The following GPN1 variants were observed in gnomAD, a reference collection of about 807,000 sequenced individuals.
GPN1 encodes the protein GPN-loop GTPase 1, also known as ATP(GTP)-binding protein.
Under a neutral mutation model 55.9 loss-of-function variants are expected in GPN1, and 44 were observed. The ratio of observed to expected loss-of-function variants is 0.79; its 90% CI spans 0.62 to 1.01. The LOEUF is 1.01. GPN1 is among the 50% of genes least tolerant of loss of function. The pLI is 0.00. For synonymous variants in GPN1, 179 were observed against 162.5 expected (o/e 1.10, Z -0.77); for missense variants, 466 against 462.8 (o/e 1.01, Z -0.06).
In GPN1 at chr2:27,629,298, A is replaced by G. The variant is rs1359443377; in HGVS notation, c.111+129A>G. On this transcript the variant is annotated intron_variant, in intron 1 of 13. Coordinates refer to ENST00000610189, the MANE Select transcript of GPN1 (RefSeq NM_007266.4). ...GCATGGCTTTCGGGGGCTTCCCATC[A>G]ACTTTAGTTCCTTCCCCGGCAAAGC... is the stretch of plus-strand genomic sequence containing the variant. The G allele has an allele frequency of 4.1e-6, 6 of 1,461,044 alleles. No homozygotes were observed. In the East Asian group the frequency reaches 1.2e-4, roughly 30 times the overall value. 90.5% of individuals were successfully genotyped at this position (1,461,044 alleles called of 1,614,324 possible). A position where few individuals can be genotyped will look rare whatever the true frequency, so the allele number is the denominator to read the frequency against.
At chr2:27,636,784 A>G (rs1673751262) in intron 7 of GPN1, among the ~76,000 whole-genome samples, 1 of 152,132 alleles carries the variant, frequency 6.6e-6, no homozygotes, top group African/African-American at 2.4e-5. Context: ...CCATTTTCAT[A>G]TTAATTGTTT....
intron 12 of GPN1, among the ~76,000 whole-genome samples, chr2:27,645,333 AT>A (rs1674172491): frequency 6.6e-6 from 1 of 151,908 alleles, no homozygotes; most frequent in South Asian, 2.1e-4. Flanking sequence ...TGCCTGTACC[AT>A]GTTGTTTTAA....
Position 27,634,916 on chromosome 2 carries a change from G to T in GPN1, c.421G>T (p.Glu141Ter). The part of the protein sequence containing the change: ...TWSASGTIIT[E>*]ALASSFPTVV... ...GTCAGCTTCTGGGACAATTATCACT[G>T]AAGCCCTTGTGAGTATTCTAGGACT... Residue 141 changes from glutamate to a stop codon, truncating the protein, a stop_gained, in exon 6 of 14, where the codon GAA (glutamate) becomes TAA (stop). Coordinates refer to ENST00000610189, the MANE Select transcript of GPN1 (RefSeq NM_007266.4). LOFTEE classifies it high-confidence loss of function. 6.3e-7 allele frequency: 1 copy of T among 1,586,400 alleles called. No individual in the cohort carries two copies. The highest frequency in any genetic ancestry group is 8.7e-7 in the Non-Finnish European group (1 of 1,154,652).
rs185465562 is a variant in GPN1, at chr2:27,640,502, A to G, written c.800+377A>G. Reference sequence around the variant, plus strand: ...AATTAATGGGCGTGGCTAGTGTTACAGAAAAACATTTATGAAAACAGGCAG... The same window carrying G: ...AATTAATGGGCGTGGCTAGTGTTACGGAAAAACATTTATGAAAACAGGCAG... On this transcript the variant is annotated intron_variant, in intron 10 of 13. Transcript: ENST00000610189. Among the ~76,000 whole-genome samples, 225 of 152,376 alleles carry G rather than the reference A, an allele frequency of 1.5e-3. 2 individuals are homozygous for G. Among genetic ancestry groups the G allele is most frequent in the East Asian group, 2.7e-3 (14 of 5,188 alleles).
intron 12 of GPN1, among the ~76,000 whole-genome samples, chr2:27,646,123 C>T (rs192312436): frequency 2.0e-3 from 303 of 152,298 alleles, no homozygotes; most frequent in African/African-American, 7.1e-3. Context: ...CTCACTGCAA[C>T]CTCCGCCTCC....
chr2:27,637,384 T>A (rs1428452062), intron 7 of GPN1, among the ~76,000 whole-genome samples: 1 of 152,098 alleles, frequency 6.6e-6, no homozygotes, highest in Non-Finnish European at 1.5e-5. Flanking sequence ...GAAGAAAAGG[T>A]GCATATGAGT....
intron 7 of GPN1, among the ~76,000 whole-genome samples, chr2:27,637,069 A>T (rs953201430): frequency 1.3e-5 from 2 of 152,100 alleles, no homozygotes; most frequent in African/African-American, 4.8e-5. Flanking sequence ...CAGCCGGGGC[A>T]CCATGGTGAA....
chr2:27,633,704 T>C (rs1324400354), intron 5 of GPN1, among the ~76,000 whole-genome samples: 1 of 151,862 alleles, frequency 6.6e-6, no homozygotes, highest in Non-Finnish European at 1.5e-5. Context: ...CTCAAACTCC[T>C]AACCTCAAGT....
intron 13 of GPN1, 55 bp downstream of exon 13, chr2:27,647,998 T>A (rs779177170): frequency 4.3e-5 from 42 of 978,242 alleles, no homozygotes; most frequent in Non-Finnish European, 6.9e-5. Context: ...ATCCTCACAT[T>A]GTTTGCCCAG....
In GPN1 at chr2:27,639,898, T is replaced by C. The variant is rs1349671906; in HGVS notation, c.718-145T>C. The C allele has an allele frequency of 1.5e-5, 10 of 687,812 alleles. No homozygotes were observed. In the East Asian group the frequency reaches 2.5e-4, roughly 17 times the overall value. The allele number at this position is 687,812 out of a possible 1,614,324, so 42.6% of individuals were successfully genotyped here. A position where few individuals can be genotyped will look rare whatever the true frequency, so the allele number is the denominator to read the frequency against. Reference sequence around the variant, plus strand: ...CTTTTGACTGGGTGTGCTGTTTTGTTCTTTTTTAGCCTGGCTTTTTGCCAA... The same window carrying C: ...CTTTTGACTGGGTGTGCTGTTTTGTCCTTTTTTAGCCTGGCTTTTTGCCAA... On this transcript the variant is annotated intron_variant, in intron 9 of 13. Transcript: ENST00000610189.
At chr2:27,645,564 G>A (rs1043031556) in intron 12 of GPN1, among the ~76,000 whole-genome samples, 2 of 152,058 alleles carry the variant, frequency 1.3e-5, no homozygotes, top group Non-Finnish European at 2.9e-5. Flanking sequence ...ACCACAGAGT[G>A]TCTTTGTATT....
chr2:27,644,730 T>TC (rs1192377762), intron 12 of GPN1, among the ~76,000 whole-genome samples: 1 of 148,308 alleles, frequency 6.7e-6, no homozygotes, highest in East Asian at 1.9e-4. Context: ...AGTGTTTTTT[T>TC]TTTTTTTTTT....
At chr2:27,635,474 G>A (rs1673701388) in intron 7 of GPN1, among the ~76,000 whole-genome samples, 1 of 152,116 alleles carries the variant, frequency 6.6e-6, no homozygotes, top group Admixed American at 6.6e-5. Context: ...TTACAAAAAG[G>A]TGATGTATGA....
At position 27,638,244 on chromosome 2, in the gene GPN1, G is replaced by T; in HGVS notation, c.559G>T (p.Val187Phe). ...LYKTKLPFIV[V>F]MNKTDIIDHS... The stretch of plus-strand genomic sequence containing the variant: ...CAAAACCAAGCTGCCTTTCATTGTG[G>T]TCATGAATAAAGTAAGTGTATTCTT... The change falls in exon 8 of 14, where the codon GTC becomes TTC. Residue 187 changes from valine to phenylalanine, a missense_variant. Physicochemically the swap from Val to Phe is conservative, Grantham distance 50. Transcript: ENST00000610189. 6.4e-7 allele frequency: 1 copy of T among 1,559,126 alleles called. No individual in the cohort carries two copies. Among genetic ancestry groups the T allele is most frequent in the South Asian group, 1.1e-5 (1 of 89,898 alleles).
chr2:27,637,448 T>C (rs78101155), intron 7 of GPN1, among the ~76,000 whole-genome samples: 1 of 152,280 alleles, frequency 6.6e-6, no homozygotes, highest in East Asian at 1.9e-4. Context: ...TATCAAAATA[T>C]CCCTTTGTAC....
intron 13 of GPN1, among the ~76,000 whole-genome samples, chr2:27,649,558 C>T (rs990740775): frequency 2.6e-5 from 4 of 152,180 alleles, no homozygotes; most frequent in African/African-American, 9.7e-5. Flanking sequence ...CACCTAGTGC[C>T]TGGCAACCAC....
chr2:27,629,294 C>T (rs576298961), intron 1 of GPN1, 125 bp downstream of exon 1: 2 of 1,457,024 alleles, frequency 1.4e-6, no homozygotes, highest in African/African-American at 1.4e-5. Flanking sequence ...GGGGGCTTCC[C>T]ATCAACTTTA....
At chr2:27,629,783 A>G in intron 1 of GPN1, 76 bp from the exon 2 acceptor site, 1 of 814,068 alleles carries the variant, frequency 1.2e-6, no homozygotes, top group Non-Finnish European at 2.2e-6. Flanking sequence ...TTCTTAAGGC[A>G]TGGGTGTTAA....
At chr2:27,642,176 G>A (rs1023696346) in intron 11 of GPN1, 3 of 381,998 alleles carry the variant, frequency 7.9e-6, no homozygotes, top group East Asian at 4.7e-5. Context: ...AGAATTGAGG[G>A]TTCTTTTGAA....
Sources: allele counts gnomAD v4.1 joint callset (sites outside exome capture counted in the v4.1 genomes callset), GRCh38; gene constraint gnomAD v4.1.1; transcripts MANE v1.5; gene names NCBI Gene and HGNC (gene_info 2026-07-23, HGNC 2026-07-21).